The following EVC2 variants were observed in gnomAD, a reference collection of about 807,000 sequenced individuals.
EVC2 encodes the protein limbin.
Under a neutral mutation model 149.3 loss-of-function variants are expected in EVC2, and 148 were observed. That is an observed-to-expected ratio of 0.99 (90% CI 0.87 to 1.14). The LOEUF (loss-of-function observed/expected upper bound fraction) is 1.14, where lower values mean the gene tolerates loss of function less well. Ranked by LOEUF, EVC2 falls within the 50% of genes most tolerant of loss-of-function variation. The pLI is 0.00. For synonymous variants in EVC2, 776 were observed against 649.9 expected (o/e 1.19, Z -2.95); for missense variants, 1,854 against 1,627.3 (o/e 1.14, Z -2.40).
At chr4:5,612,516 G>T (rs1714902625) in intron 16 of EVC2, among the ~76,000 whole-genome samples, 1 of 152,186 alleles carries the variant, frequency 6.6e-6, no homozygotes, top group African/African-American at 2.4e-5. Context: ...CTGCTGCAAG[G>T]AGAATTAATT....
rs765358608 is a variant in EVC2 at position 5,631,940 on chromosome 4, G to A, written c.1563C>T (p.Asp521=). Residue 521 remains aspartate, a synonymous_variant, in exon 11 of 22, where the codon GAC becomes GAT. Coordinates refer to ENST00000344408, the MANE Select transcript of EVC2 (RefSeq NM_147127.5). ...CCAGCTGTCTGTGAGCTTTGGCAAA[G>A]TCTTCTTCTTGTTGCAAAGCGAGAG... ...RKSLALQQEE[D]FAKAHRQLAV... 2.5e-6 allele frequency: 4 copies of A among 1,614,098 alleles called. No homozygotes were observed. The Admixed American group carries it at 5.0e-5, about 20-fold the overall frequency.
intron 21 of EVC2, among the ~76,000 whole-genome samples, chr4:5,545,245 CATAA>C (rs1441140503): frequency 2.0e-5 from 3 of 152,080 alleles, no homozygotes; most frequent in African/African-American, 7.2e-5. Context: ...ACTAGATGCC[CATAA>C]ATAAATGACA....
chr4:5,576,915 T>C lies in EVC2; in HGVS notation c.3058-461A>G, dbSNP rs1389984464. On this transcript the variant is annotated intron_variant, in intron 17 of 21. Transcript: ENST00000344408. The surrounding 1 kb of genome is among the most constrained non-coding windows in gnomAD (Gnocchi z 4.5). ...TCTTTGAGGGCAGGGCTGTGTCTCCTTCTCCCTGCCTGCAAAGTGCCTGGT... is the reference window on the plus strand; with the variant it reads ...TCTTTGAGGGCAGGGCTGTGTCTCCCTCTCCCTGCCTGCAAAGTGCCTGGT... 1.3e-5 allele frequency among the ~76,000 whole-genome samples: 2 copies of C among 152,204 alleles called. No homozygotes were observed. Among genetic ancestry groups the C allele is most frequent in the African/African-American group, 4.8e-5 (2 of 41,456 alleles).
At chr4:5,596,892 G>A (rs558438683) in intron 16 of EVC2, among the ~76,000 whole-genome samples, 46 of 152,266 alleles carry the variant, frequency 3.0e-4, no homozygotes, top group African/African-American at 8.9e-4. Context: ...TATCACCACC[G>A]ATCCCATAGA....
rs1716888285 is a variant in EVC2 at position 5,636,325 on chromosome 4, T to C, written c.1470+4189A>G. ...TTAAATATTATAGTATGAACAAATT[T>C]CAGCTCTACATTAATTACAGTCAGC... On this transcript the variant is annotated intron_variant, in intron 10 of 21. Coordinates refer to ENST00000344408, the MANE Select transcript of EVC2 (RefSeq NM_147127.5). The surrounding 1 kb of genome is among the most constrained non-coding windows in gnomAD (Gnocchi z 4.6). Among the ~76,000 whole-genome samples the C allele has an allele frequency of 6.6e-6, 1 of 152,236 alleles. No homozygotes were observed.
chr4:5,608,019 T>TGCAGTCCCAGCC (rs1403180068), intron 16 of EVC2, among the ~76,000 whole-genome samples: 3 of 152,066 alleles, frequency 2.0e-5, no homozygotes, highest in African/African-American at 4.8e-5. Context: ...AACAGCTCCC[T>TGCAGTCCCAGCC]GCAGTCCCAG....
chr4:5,703,380 C>G (rs746073373), intron 1 of EVC2, among the ~76,000 whole-genome samples: 2 of 152,162 alleles, frequency 1.3e-5, no homozygotes, highest in Non-Finnish European at 2.9e-5. Flanking sequence ...GACTGAGCAC[C>G]AACTTCAGGA....
chr4:5,584,082 G>GTT (rs567938772), intron 17 of EVC2, among the ~76,000 whole-genome samples: 1 of 151,938 alleles, frequency 6.6e-6, no homozygotes, highest in African/African-American at 2.4e-5. Flanking sequence ...AATGTGAGGG[G>GTT]TTTTTTCCTT....
chr4:5,586,782 A>C (rs1712319860), intron 16 of EVC2, among the ~76,000 whole-genome samples: 1 of 152,160 alleles, frequency 6.6e-6, no homozygotes, highest in Admixed American at 6.6e-5. Context: ...TCTGGACCAA[A>C]CCAATGTACA....
At chr4:5,629,178 A>C (rs1254342325) in intron 11 of EVC2, among the ~76,000 whole-genome samples, 7 of 152,208 alleles carry the variant, frequency 4.6e-5, no homozygotes, top group African/African-American at 1.7e-4. Flanking sequence ...GGGCACAAAG[A>C]AAGCAAGAAG....
At chr4:5,561,533 A>G (rs761566706), downstream of EVC2, among the ~76,000 whole-genome samples, 11 of 152,340 alleles carry the variant, frequency 7.2e-5, no homozygotes, top group Admixed American at 3.3e-4. Flanking sequence ...CCCTGGGAGA[A>G]GTGCAACCCC....
chr4:5,688,947 A>T, intron 5 of EVC2, among the ~76,000 whole-genome samples: 1 of 152,240 alleles, frequency 6.6e-6, no homozygotes, highest in East Asian at 1.9e-4. Context: ...TCTCTAAGAT[A>T]AATGAGAAAT....
intron 21 of EVC2, among the ~76,000 whole-genome samples, chr4:5,543,780 C>A (rs139596082): frequency 6.6e-6 from 1 of 152,244 alleles, no homozygotes; most frequent in African/African-American, 2.4e-5. Flanking sequence ...AATTGCAGTT[C>A]CAGCCCCTGT....
Position 5,632,182 on chromosome 4 carries a change from A to C in EVC2, c.1471-150T>G, listed in dbSNP as rs868104118. 8 of 1,089,892 alleles carry C rather than the reference A, an allele frequency of 7.3e-6. No individual in the cohort carries two copies. In the African/African-American group the frequency reaches 7.9e-5, roughly 11 times the overall value. 67.5% of individuals were successfully genotyped at this position (1,089,892 alleles called of 1,614,324 possible). On this transcript the variant is annotated intron_variant, in intron 10 of 21. Transcript: ENST00000344408. ...CACATATGCATTACAATATATACAC[A>C]CATGCGCATGCAGTGTGTGCATGCA... is the stretch of plus-strand genomic sequence containing the variant.
intron 7 of EVC2, among the ~76,000 whole-genome samples, chr4:5,678,274 C>A (rs1356825601): frequency 6.6e-6 from 1 of 152,160 alleles, no homozygotes; most frequent in Non-Finnish European, 1.5e-5. Context: ...CGTGGCCAGC[C>A]CCCAGTGAAA....
At chr4:5,582,436 C>CT (rs1711878875) in intron 17 of EVC2, among the ~76,000 whole-genome samples, 1 of 152,196 alleles carries the variant, frequency 6.6e-6, no homozygotes, top group Non-Finnish European at 1.5e-5. Context: ...TGCCTGGGGC[C>CT]TATAGCCCCT....
At chr4:5,584,473 T>A in intron 17 of EVC2, 150 bp downstream of exon 17, 1 of 789,622 alleles carries the variant, frequency 1.3e-6, no homozygotes. Context: ...TGCCAAGTAC[T>A]CTCCAATATG....
intron 21 of EVC2, among the ~76,000 whole-genome samples, chr4:5,552,558 C>A (rs1298327558): frequency 6.6e-6 from 1 of 152,296 alleles, no homozygotes; most frequent in African/African-American, 2.4e-5. Context: ...ATCTACACTC[C>A]CAACTTAAAC....
At chr4:5,700,564 G>A (rs2151742641) in intron 1 of EVC2, among the ~76,000 whole-genome samples, 1 of 152,244 alleles carries the variant, frequency 6.6e-6, no homozygotes, top group South Asian at 2.1e-4. Context: ...AGGTTCCCAG[G>A]GAGCAAAGGA....
Sources: allele counts gnomAD v4.1 joint callset (sites outside exome capture counted in the v4.1 genomes callset), GRCh38; gene constraint gnomAD v4.1.1; non-coding constraint Gnocchi (gnomAD v3.1); transcripts MANE v1.5; gene names NCBI Gene and HGNC (gene_info 2026-07-23, HGNC 2026-07-21).